TSPAN18: variants seen among roughly 807,000 people sequenced by gnomAD.
TSPAN18 encodes tetraspanin 18.
Under a neutral mutation model 27.3 loss-of-function variants are expected in TSPAN18, and 14 were observed. That is an observed-to-expected ratio of 0.51 (90% CI 0.34 to 0.80). The LOEUF is 0.80. TSPAN18 is among the 30% of genes least tolerant of loss of function. TSPAN18 has a pLI of 0.01. For missense variants in TSPAN18, 268 were observed against 323.9 expected (o/e 0.83, Z 1.32); for synonymous variants, 143 against 136.5 (o/e 1.05, Z -0.33).
At chr11:44,890,688 A>T (rs1858816407) in intron 3 of TSPAN18, among the ~76,000 whole-genome samples, 1 of 148,508 alleles carries the variant, frequency 6.7e-6, no homozygotes, top group South Asian at 2.1e-4. Context: ...CCCAGGAGTG[A>T]GCCGAGATCA....
At chr11:44,894,251 T>C (rs1665139) in intron 3 of TSPAN18, among the ~76,000 whole-genome samples, 109,995 of 152,184 alleles carry the variant, frequency 0.72, 41,310 homozygotes, top group Non-Finnish European at 0.85. Flanking sequence ...CTCAGGCTTA[T>C]GGCTGGCACA....
chr11:44,897,699 C>T, intron 3 of TSPAN18: 1 of 1,180,908 alleles, frequency 8.5e-7, no homozygotes, highest in South Asian at 1.3e-5. Context: ...TTTCATGGGG[C>T]TGCTCTTTAT....
intron 1 of TSPAN18, among the ~76,000 whole-genome samples, chr11:44,761,471 G>C (rs1181608243): frequency 6.6e-6 from 1 of 152,244 alleles, no homozygotes; most frequent in African/African-American, 2.4e-5. Context: ...ACACAATGCA[G>C]ATTTGCTTAA....
chr11:44,899,835 C>G (rs551530164), intron 3 of TSPAN18, among the ~76,000 whole-genome samples: 1 of 152,212 alleles, frequency 6.6e-6, no homozygotes, highest in Non-Finnish European at 1.5e-5. Flanking sequence ...CTGCTACTCT[C>G]CCTTCAGGGA....
rs1227308565 is a variant in TSPAN18, at chr11:44,859,057, G to T, written c.-152-1271G>T. 3.3e-5 allele frequency among the ~76,000 whole-genome samples: 5 copies of T among 152,288 alleles called. No individual in the cohort carries two copies. In the South Asian group the frequency reaches 1.0e-3, roughly 32 times the overall value. ...AATGACATTTGCATTTTGCTGGCTG[G>T]TGAAATGTGGGCTGTGCTTGGTGAT... On this transcript the variant is annotated intron_variant, in intron 2 of 9. Coordinates refer to ENST00000520358, the MANE Select transcript of TSPAN18 (RefSeq NM_130783.5).
At chr11:44,885,646 A>G (rs536927640) in intron 3 of TSPAN18, among the ~76,000 whole-genome samples, 1 of 152,152 alleles carries the variant, frequency 6.6e-6, no homozygotes, top group African/African-American at 2.4e-5. Context: ...TATGGGGAGG[A>G]AAGAAAACAG....
At chr11:44,741,339 C>A (rs928749822) in intron 1 of TSPAN18, among the ~76,000 whole-genome samples, 1 of 151,964 alleles carries the variant, frequency 6.6e-6, no homozygotes, top group Non-Finnish European at 1.5e-5. Context: ...TAAAAATATT[C>A]TTTTAAAAAT....
chr11:44,748,051 C>T (rs1855122975), intron 1 of TSPAN18, among the ~76,000 whole-genome samples: 1 of 152,194 alleles, frequency 6.6e-6, no homozygotes, highest in Non-Finnish European at 1.5e-5. Flanking sequence ...GTCACTCAGC[C>T]TCTCTGGGCC....
At chr11:44,865,412 G>A (rs1431371318) in intron 3 of TSPAN18, among the ~76,000 whole-genome samples, 1 of 152,212 alleles carries the variant, frequency 6.6e-6, no homozygotes, top group Non-Finnish European at 1.5e-5. Context: ...TGATGATGGT[G>A]TATTTAATGA....
At chr11:44,857,910 G>A (rs1857779343) in intron 2 of TSPAN18, among the ~76,000 whole-genome samples, 1 of 152,014 alleles carries the variant, frequency 6.6e-6, no homozygotes, top group South Asian at 2.1e-4. Context: ...ACACATGGGT[G>A]ACACACGCCC....
At chr11:44,773,189 G>A (rs1565142557) in intron 2 of TSPAN18, among the ~76,000 whole-genome samples, 1 of 152,068 alleles carries the variant, frequency 6.6e-6, no homozygotes, top group African/African-American at 2.4e-5. Context: ...GGCCAAGGCA[G>A]GTGGATCACT....
At chr11:44,825,490 C>T (rs754677908) in intron 2 of TSPAN18, among the ~76,000 whole-genome samples, 4 of 152,144 alleles carry the variant, frequency 2.6e-5, no homozygotes, top group African/African-American at 4.8e-5. Context: ...CTGCAGTGTG[C>T]GCCCCGATTC....
chr11:44,761,040 G>A (rs1310882502), intron 1 of TSPAN18, among the ~76,000 whole-genome samples: 1 of 152,146 alleles, frequency 6.6e-6, no homozygotes, highest in East Asian at 1.9e-4. Context: ...ATCAGCTGTT[G>A]TTAGCCCTGT....
chr11:44,876,985 G>T (rs1858352309), intron 3 of TSPAN18, among the ~76,000 whole-genome samples: 1 of 152,216 alleles, frequency 6.6e-6, no homozygotes, highest in African/African-American at 2.4e-5. Flanking sequence ...CCTCCCCCAG[G>T]CCCCTGCAGA....
At chr11:44,885,439 C>T (rs994636024) in intron 3 of TSPAN18, among the ~76,000 whole-genome samples, 16 of 152,138 alleles carry the variant, frequency 1.1e-4, no homozygotes, top group South Asian at 2.1e-4. Context: ...GGTGGGATTG[C>T]CAGCGTCCTT....
chr11:44,735,641 C>G (rs934792083), intron 1 of TSPAN18, among the ~76,000 whole-genome samples: 5 of 142,674 alleles, frequency 3.5e-5, no homozygotes, highest in Admixed American at 2.8e-4. Context: ...TTTTTTTAGG[C>G]GGAGTCTCGC....
Position 44,909,744 on chromosome 11 carries a change from A to T in TSPAN18, c.103A>T (p.Met35Leu). 1.2e-6 allele frequency: 2 copies of T among 1,613,126 alleles called. No homozygotes were observed. The highest frequency in any genetic ancestry group is 1.7e-6 in the Non-Finnish European group (2 of 1,179,918). ...ACLLAIGIWV[M>L]VDPTGFREIV... The stretch of plus-strand genomic sequence containing the variant: ...CCTGCTGGCCATCGGCATCTGGGTC[A>T]TGGTGGACCCCACCGGCTTCCGGGA... Residue 35 changes from methionine (M) to leucine (L), a missense_variant, in exon 5 of 10, where the codon ATG becomes TTG. Physicochemically the swap from Met to Leu is conservative, Grantham distance 15 (BLOSUM62 2). Transcript: ENST00000520358.
intron 2 of TSPAN18, among the ~76,000 whole-genome samples, chr11:44,815,392 C>A (rs1408370815): frequency 6.6e-6 from 1 of 152,232 alleles, no homozygotes; most frequent in Non-Finnish European, 1.5e-5. Flanking sequence ...AGCTCTGCTG[C>A]TGATCAGCCC....
intron 2 of TSPAN18, among the ~76,000 whole-genome samples, chr11:44,823,488 T>C (rs1202888848): frequency 2.0e-5 from 3 of 151,896 alleles, no homozygotes; most frequent in Non-Finnish European, 2.9e-5. Flanking sequence ...TTTAGGAGTA[T>C]GCAAAAAAGG....
Sources: gnomAD v4.1 joint callset for allele counts (sites outside exome capture counted in the v4.1 genomes callset) on GRCh38, gnomAD v4.1.1 for gene constraint, MANE v1.5 for transcripts, NCBI Gene and HGNC (gene_info 2026-07-23, HGNC 2026-07-21) for gene names.